The following A1CF variants were observed in gnomAD, a reference collection of about 807,000 sequenced individuals.
The protein encoded by A1CF is APOBEC-1 stimulating protein.
In A1CF, 48 loss-of-function variants were observed where a neutral mutation model predicts 68.9. The ratio of observed to expected loss-of-function variants is 0.70; its 90% confidence interval spans 0.55 to 0.89. A1CF has a LOEUF of 0.89. Ranked by LOEUF, A1CF falls within the 40% of genes least tolerant of loss-of-function variation. The probability of loss-of-function intolerance (pLI) is 0.00; values close to 1 mark genes in which losing one functional copy is unlikely to be tolerated. For missense variants in A1CF, 653 were observed against 718.9 expected, an observed-to-expected ratio of 0.91 and a Z score of 1.05; for synonymous variants, 272 against 260.4, an observed-to-expected ratio of 1.04 and a Z score of -0.43.
chr10:50,876,320 C>A (rs1413683610), intron 1 of A1CF, among the ~76,000 whole-genome samples: 1 of 152,236 alleles, frequency 6.6e-6, no homozygotes, highest in Admixed American at 6.5e-5. Flanking sequence ...GACTTCAATA[C>A]TGTCTTATAA....
In A1CF at chr10:50,843,907, G is replaced by C. The variant is rs188349342; in HGVS notation, c.234+81C>G. On this transcript the variant is annotated intron_variant, in intron 4 of 12. Transcript: ENST00000373997. ...ATGGAAACAGCCACTGACCAAGAAG[G>C]CTGAGAATGAAAGCAAAGTGAAGAG... The C allele has an allele frequency of 1.8e-4, 273 of 1,542,534 alleles. No individual in the cohort carries two copies. The African/African-American group carries it at 3.3e-3, about 19-fold the overall frequency.
Position 50,828,180 on chromosome 10 carries a change from C to T in A1CF, c.720G>A (p.Leu240=), listed in dbSNP as rs767050034. 6.2e-7 allele frequency: 1 copy of T among 1,607,086 alleles called. No homozygotes were observed. Among genetic ancestry groups the T allele is most frequent in the Non-Finnish European group, 8.5e-7 (1 of 1,175,214 alleles). Residue 240 remains leucine (L), a synonymous_variant, in exon 7 of 13, where the codon CTG becomes CTA. Coordinates refer to ENST00000373997, the MANE Select transcript of A1CF (RefSeq NM_014576.4). ...VKILYVRNLM[L]STSEEMIEKE... ...TTTCAATCATCTCTTCAGAGGTAGA[C>T]AGCATAAGATTTCTTACATATAGGA... is the stretch of plus-strand genomic sequence containing the variant.
At chr10:50,859,761 A>C (rs1840654320) in intron 3 of A1CF, 81 bp downstream of exon 3, 1 of 1,241,838 alleles carries the variant, frequency 8.1e-7, no homozygotes, top group African/African-American at 1.5e-5. Context: ...GACCATTCCC[A>C]TTTTGCATCT....
rs891939844 is a variant in A1CF, at chr10:50,803,657, T to C, written c.*3072A>G. Reference sequence around the variant, plus strand: ...GATACCCAATCCCATTGCTGATCAATTTCCTCCTACTTAAGCAACATTAGG... The same window carrying C: ...GATACCCAATCCCATTGCTGATCAACTTCCTCCTACTTAAGCAACATTAGG... On this transcript the variant is annotated 3_prime_UTR_variant, in exon 13 of 13. Transcript: ENST00000373997. The C allele has an allele frequency of 1.3e-5, 2 of 152,224 alleles. No individual in the cohort carries two copies. The highest frequency in any genetic ancestry group is 6.5e-5 in the Admixed American group (1 of 15,284). 9.4% of individuals were successfully genotyped at this position (152,224 alleles called of 1,614,324 possible).
chr10:50,826,009 C>T (rs2132382025), intron 7 of A1CF, among the ~76,000 whole-genome samples: 1 of 152,102 alleles, frequency 6.6e-6, no homozygotes, highest in East Asian at 1.9e-4. Context: ...CTGGACAGAC[C>T]CCCACAGCCA....
intron 6 of A1CF, among the ~76,000 whole-genome samples, chr10:50,833,127 G>A (rs1030555384): frequency 1.3e-5 from 2 of 152,140 alleles, no homozygotes; most frequent in Non-Finnish European, 2.9e-5. Context: ...TTGATTAGAG[G>A]CTGACATGGG....
chr10:50,812,046 A>C (rs1225426754), intron 10 of A1CF, among the ~76,000 whole-genome samples: 1 of 152,214 alleles, frequency 6.6e-6, no homozygotes, highest in African/African-American at 2.4e-5. Context: ...CTGCAATAGC[A>C]TGATATTTTC....
chr10:50,861,372 G>T (rs1466953511), intron 2 of A1CF, among the ~76,000 whole-genome samples: 1 of 149,090 alleles, frequency 6.7e-6, no homozygotes, highest in Non-Finnish European at 1.5e-5. Flanking sequence ...ATTACTAATT[G>T]CAGCACTAGT....
intron 3 of A1CF, 42 bp from the exon 4 acceptor site, chr10:50,844,164 C>G: frequency 6.3e-7 from 1 of 1,587,684 alleles, no homozygotes; most frequent in East Asian, 2.3e-5. Context: ...AGAAAATGAT[C>G]AAGACTTTAA....
chr10:50,861,552 C>T (rs1360716660), intron 2 of A1CF, among the ~76,000 whole-genome samples: 1 of 147,974 alleles, frequency 6.8e-6, no homozygotes, highest in Non-Finnish European at 1.5e-5. Flanking sequence ...GGACTACCTA[C>T]TAATATTAGT....
At chr10:50,827,833 A>C (rs1839035265) in intron 7 of A1CF, among the ~76,000 whole-genome samples, 1 of 152,204 alleles carries the variant, frequency 6.6e-6, no homozygotes, top group African/African-American at 2.4e-5. Context: ...CTTCAAAAAA[A>C]TCAGTGAATC....
chr10:50,878,405 T>C (rs1332807007), intron 1 of A1CF, among the ~76,000 whole-genome samples: 1 of 152,254 alleles, frequency 6.6e-6, no homozygotes, highest in Non-Finnish European at 1.5e-5. Flanking sequence ...CAATTTCTGA[T>C]CTAATTATTG....
chr10:50,851,809 T>C (rs1248072269), intron 3 of A1CF, among the ~76,000 whole-genome samples: 1 of 152,244 alleles, frequency 6.6e-6, no homozygotes, highest in Non-Finnish European at 1.5e-5. Context: ...TTTAACATCA[T>C]CTTGGTTCCC....
Position 50,811,243 on chromosome 10 carries a change from GT to G in A1CF, c.1324-68del, listed in dbSNP as rs1452909510. 3.5e-5 allele frequency: 52 copies of G among 1,482,500 alleles called. No homozygotes were observed. The African/African-American group carries it at 6.6e-4, about 19-fold the overall frequency. 91.8% of individuals were successfully genotyped at this position (1,482,500 alleles called of 1,614,324 possible). A position where few individuals can be genotyped will look rare whatever the true frequency, so the allele number is the denominator to read the frequency against. On this transcript the variant is annotated intron_variant, in intron 10 of 12. Transcript: ENST00000373997. ...TTCACATTATTTCCCAAGTTTTCAGGTTTTTAAACTCTAATTTTCAGAGTTC... is the reference window on the plus strand; with the variant it reads ...TTCACATTATTTCCCAAGTTTTCAGGTTTTAAACTCTAATTTTCAGAGTTC...
At chr10:50,860,300 C>T (rs1840684219) in intron 2 of A1CF, among the ~76,000 whole-genome samples, 1 of 152,160 alleles carries the variant, frequency 6.6e-6, no homozygotes, top group East Asian at 1.9e-4. Context: ...CAGCTCACAT[C>T]TATTAAAAGA....
chr10:50,843,950 G>A (rs1839886363), intron 4 of A1CF, 38 bp downstream of exon 4: 1 of 1,609,592 alleles, frequency 6.2e-7, no homozygotes, highest in Non-Finnish European at 8.5e-7. Flanking sequence ...TTTTTCCCTT[G>A]AACGATAAGA....
In A1CF at chr10:50,875,746, T is replaced by C. The variant is rs907755960; in HGVS notation, c.-94+9835A>G. On this transcript the variant is annotated intron_variant, in intron 1 of 12. Transcript: ENST00000373997. Reference sequence around the variant, plus strand: ...ACTTACCCTGAGCTCAGCTAAAGTGTAGAGTGAAAGAAATGTCACTGCTTA... The same window carrying C: ...ACTTACCCTGAGCTCAGCTAAAGTGCAGAGTGAAAGAAATGTCACTGCTTA... 5.9e-5 allele frequency among the ~76,000 whole-genome samples: 9 copies of C among 152,188 alleles called. No individual in the cohort carries two copies. In the South Asian group the frequency reaches 1.0e-3, roughly 17 times the overall value.
intron 12 of A1CF, 115 bp from the exon 13 acceptor site, chr10:50,806,995 T>A: frequency 1.9e-6 from 2 of 1,071,372 alleles, no homozygotes; most frequent in Non-Finnish European, 2.6e-6. Context: ...AGCTAAAAGT[T>A]AATATATATG....
chr10:50,831,990 T>C (rs1839268485), intron 6 of A1CF, among the ~76,000 whole-genome samples: 1 of 152,156 alleles, frequency 6.6e-6, no homozygotes, highest in Admixed American at 6.5e-5. Flanking sequence ...AGAGCCATTA[T>C]GGAAAACAGT....
Sources: gnomAD v4.1 joint callset for allele counts (sites outside exome capture counted in the v4.1 genomes callset) on GRCh38, gnomAD v4.1.1 for gene constraint, MANE v1.5 for transcripts, NCBI Gene and HGNC (gene_info 2026-07-23, HGNC 2026-07-21) for gene names.